Variants in CEP112 observed in about 807,000 individuals in gnomAD.
CEP112 encodes centrosomal protein 112, also known as centrosomal protein of 112 kDa.
In CEP112, 127 loss-of-function variants were observed where a neutral mutation model predicts 153.0. That is an observed-to-expected ratio of 0.83 (90% CI 0.72 to 0.96). CEP112 has a LOEUF of 0.96. Among genes scored for constraint, CEP112 ranks in the 40% least tolerant of loss-of-function variants. The probability of loss-of-function intolerance (pLI) is 0.00; values close to 1 mark genes in which losing one functional copy is unlikely to be tolerated. For missense variants in CEP112, 1,089 were observed against 1,101.2 expected, an observed-to-expected ratio of 0.99 and a Z score of 0.16; for synonymous variants, 358 against 374.4, an observed-to-expected ratio of 0.96 and a Z score of 0.51.
chr17:65,746,818 G>T (rs2051502644), intron 22 of CEP112, among the ~76,000 whole-genome samples: 1 of 152,058 alleles, frequency 6.6e-6, no homozygotes, highest in South Asian at 2.1e-4. Context: ...CTCCAGTTTT[G>T]ATTGAATCAT....
At chr17:65,708,539 CCT>C (rs1464377856) in intron 23 of CEP112, among the ~76,000 whole-genome samples, 1 of 152,088 alleles carries the variant, frequency 6.6e-6, no homozygotes, top group African/African-American at 2.4e-5. Flanking sequence ...TGTAGGACTC[CCT>C]GAGTGTAATC....
chr17:65,788,544 T>G (rs1051775983), intron 21 of CEP112, among the ~76,000 whole-genome samples: 6 of 152,304 alleles, frequency 3.9e-5, no homozygotes, highest in African/African-American at 1.4e-4. Context: ...TTTAATAAAA[T>G]ATTTAAAACT....
At chr17:65,660,378 C>T (rs2046308438) in intron 24 of CEP112, among the ~76,000 whole-genome samples, 1 of 123,408 alleles carries the variant, frequency 8.1e-6, no homozygotes, top group Non-Finnish European at 1.6e-5. Flanking sequence ...TCCCTTCCTT[C>T]CTTCCTTCCT....
At chr17:65,785,172 C>G (rs1400356084) in intron 21 of CEP112, among the ~76,000 whole-genome samples, 1 of 152,158 alleles carries the variant, frequency 6.6e-6, no homozygotes, top group East Asian at 1.9e-4. Context: ...ATTCCTTTTC[C>G]TAGTCAAATC....
chr17:66,167,748 T>C (rs374301570), intron 4 of CEP112, among the ~76,000 whole-genome samples: 5 of 152,350 alleles, frequency 3.3e-5, no homozygotes, highest in African/African-American at 9.6e-5. Flanking sequence ...CAATATTGGA[T>C]CCATCACTGG....
chr17:66,096,768 G>A lies in CEP112; in HGVS notation c.643-136C>T, dbSNP rs867434463. 10 of 628,230 alleles carry A rather than the reference G, an allele frequency of 1.6e-5. No homozygotes were observed. In the South Asian group the frequency reaches 2.2e-4, roughly 14 times the overall value. 38.9% of individuals were successfully genotyped at this position (628,230 alleles called of 1,614,324 possible). A position where few individuals can be genotyped will look rare whatever the true frequency, so the allele number is the denominator to read the frequency against. Reference sequence around the variant, plus strand: ...AATATTTAATTCATTTTTAGAATGGGTATTGTATGATATATTTTTAGCGGC... The same window carrying A: ...AATATTTAATTCATTTTTAGAATGGATATTGTATGATATATTTTTAGCGGC... On this transcript the variant is annotated intron_variant, in intron 6 of 26. Coordinates refer to ENST00000535342, the MANE Select transcript of CEP112 (RefSeq NM_001199165.4).
At chr17:66,044,411 T>G (rs2145860711) in intron 12 of CEP112, among the ~76,000 whole-genome samples, 1 of 152,270 alleles carries the variant, frequency 6.6e-6, no homozygotes, top group Middle Eastern at 3.4e-3. Context: ...AAGAGGTATC[T>G]GTACACCCAC....
At chr17:66,178,689 G>A (rs2146889081) in intron 2 of CEP112, among the ~76,000 whole-genome samples, 2 of 152,036 alleles carry the variant, frequency 1.3e-5, no homozygotes, top group Non-Finnish European at 2.9e-5. Context: ...CCTTGTTTGA[G>A]GTCTTAGATT....
intron 6 of CEP112, among the ~76,000 whole-genome samples, chr17:66,128,741 C>T (rs2069982880): frequency 6.6e-6 from 1 of 152,066 alleles, no homozygotes; most frequent in Admixed American, 6.6e-5. Context: ...AATAGCAGAA[C>T]ACTTAAAAAG....
chr17:65,813,988 A>C (rs1188881535), intron 21 of CEP112, among the ~76,000 whole-genome samples: 1 of 152,214 alleles, frequency 6.6e-6, no homozygotes, highest in Non-Finnish European at 1.5e-5. Flanking sequence ...GAGGGTAGTA[A>C]ACAAAGTAAG....
chr17:65,895,738 A>G (rs927625787), intron 20 of CEP112, among the ~76,000 whole-genome samples: 3 of 152,100 alleles, frequency 2.0e-5, no homozygotes, highest in African/African-American at 7.2e-5. Flanking sequence ...TCCTTGAATC[A>G]TAGGTTTCTT....
chr17:66,014,244 C>G (rs2064672181), intron 16 of CEP112, among the ~76,000 whole-genome samples: 2 of 152,142 alleles, frequency 1.3e-5, no homozygotes, highest in African/African-American at 2.4e-5. Flanking sequence ...GGGGGCCACT[C>G]TGCTGGAGCT....
At chr17:65,659,809 T>A (rs1278942558) in intron 24 of CEP112, among the ~76,000 whole-genome samples, 1 of 152,114 alleles carries the variant, frequency 6.6e-6, no homozygotes, top group Non-Finnish European at 1.5e-5. Flanking sequence ...TGACATATAA[T>A]AGGCCAGGAA....
In CEP112 at chr17:65,838,220, C is replaced by A. The variant is rs181714107; in HGVS notation, c.2394+13584G>T. Among the ~76,000 whole-genome samples the A allele has an allele frequency of 1.4e-4, 21 of 152,254 alleles. No homozygotes were observed. In the East Asian group the frequency reaches 2.9e-3, roughly 21 times the overall value. On this transcript the variant is annotated intron_variant, in intron 21 of 26. Transcript: ENST00000535342. ...TTTACAGAACATTTCCTCAACAGCA[C>A]ATGGAAGAGTCTCCAGTATAGACTA...
chr17:65,958,867 C>T (rs2062095668), intron 18 of CEP112, among the ~76,000 whole-genome samples: 1 of 152,164 alleles, frequency 6.6e-6, no homozygotes, highest in Admixed American at 6.5e-5. Context: ...CTGGGCCTCC[C>T]CATGGCCACC....
rs141809850 is a variant in CEP112 at position 65,965,467 on chromosome 17, A to T, written c.1737-3869T>A. Among the ~76,000 whole-genome samples, 240 of 152,130 alleles carry T rather than the reference A, an allele frequency of 1.6e-3. 3 individuals carry two copies. The East Asian group carries it at 0.029, about 19-fold the overall frequency. On this transcript the variant is annotated intron_variant, in intron 17 of 26. Transcript: ENST00000535342. Reference sequence around the variant, plus strand: ...GTAATTCAATGTTCTTGTCCAGTAAAACCATAATGAATACATTGAGCTCCA... The same window carrying T: ...GTAATTCAATGTTCTTGTCCAGTAATACCATAATGAATACATTGAGCTCCA...
chr17:65,994,455 G>A (rs903345507), intron 17 of CEP112, among the ~76,000 whole-genome samples: 2 of 152,108 alleles, frequency 1.3e-5, no homozygotes, highest in African/African-American at 4.8e-5. Flanking sequence ...AGCCTCCTTA[G>A]TAGCTAGGAC....
chr17:65,781,381 GA>G (rs1217312495), intron 21 of CEP112, among the ~76,000 whole-genome samples: 6 of 152,106 alleles, frequency 3.9e-5, no homozygotes, highest in African/African-American at 1.4e-4. Context: ...TATGATCATG[GA>G]TTGGAAGAAT....
At chr17:65,739,428 G>T (rs372126843) in intron 23 of CEP112, among the ~76,000 whole-genome samples, 10 of 152,250 alleles carry the variant, frequency 6.6e-5, no homozygotes, top group African/African-American at 2.4e-4. Flanking sequence ...AAAAGATAGG[G>T]TGTTACAGCA....
Sources: allele counts gnomAD v4.1 joint callset (sites outside exome capture counted in the v4.1 genomes callset), GRCh38; gene constraint gnomAD v4.1.1; transcripts MANE v1.5; gene names NCBI Gene and HGNC (gene_info 2026-07-23, HGNC 2026-07-21).